LRRC20: variants seen among roughly 807,000 people sequenced by gnomAD.
The protein encoded by LRRC20 is leucine-rich repeat-containing protein 20.
In LRRC20, 11 loss-of-function variants were observed where a neutral mutation model predicts 14.4. The ratio of observed to expected loss-of-function variants is 0.77; its 90% CI spans 0.48 to 1.27. The LOEUF (loss-of-function observed/expected upper bound fraction) is 1.27. Ranked by LOEUF, LRRC20 falls within the 50% of genes most tolerant of loss-of-function variation. The pLI is 0.00. For missense variants in LRRC20, 219 were observed against 251.2 expected (o/e 0.87, Z 0.87); for synonymous variants, 121 against 107.3 (o/e 1.13, Z -0.79).
intron 3 of LRRC20, among the ~76,000 whole-genome samples, chr10:70,326,240 C>T (rs182586027): frequency 1.1e-4 from 17 of 151,842 alleles, no homozygotes; most frequent in African/African-American, 3.9e-4. Flanking sequence ...CCCACAGCCC[C>T]TCCCAGGTAT....
At position 70,351,436 on chromosome 10, in the gene LRRC20, T is replaced by C. The variant is rs544108436; in HGVS notation, c.83-10734A>G. 1.4e-3 allele frequency among the ~76,000 whole-genome samples: 217 copies of C among 152,288 alleles called. 1 individual carries two copies. The highest frequency in any genetic ancestry group is 5.1e-3 in the African/African-American group (210 of 41,556). On this transcript the variant is annotated intron_variant, in intron 2 of 4. Transcript: ENST00000446961. The stretch of plus-strand genomic sequence containing the variant: ...GAACACTGGTGATGGGAGGGCTCCC[T>C]CCTCCTTCCATAGAATGAGTTTAAT...
intron 4 of LRRC20, among the ~76,000 whole-genome samples, chr10:70,306,949 C>T (rs922342665): frequency 6.6e-6 from 1 of 152,204 alleles, no homozygotes; most frequent in African/African-American, 2.4e-5. Context: ...TATTCTGATG[C>T]TCAAATTGTC....
intron 4 of LRRC20, among the ~76,000 whole-genome samples, chr10:70,302,953 G>A (rs370049958): frequency 4.6e-5 from 7 of 151,440 alleles, no homozygotes; most frequent in East Asian, 1.9e-4. Context: ...CTCGTGATCC[G>A]CCCGTCTCGG....
rs114412954 is a variant in LRRC20 at position 70,372,197 on chromosome 10, G to C, written c.82+4255C>G. On this transcript the variant is annotated intron_variant, in intron 2 of 4. Coordinates refer to ENST00000446961, the MANE Select transcript of LRRC20 (RefSeq NM_001278212.2). The stretch of plus-strand genomic sequence containing the variant: ...TCAAGATGTGTGTTTTATTTCCACA[G>C]TGGCAGGTGGTCCTTTCCCTAAAAT... Among the ~76,000 whole-genome samples, 402 of 152,300 alleles carry C rather than the reference G, an allele frequency of 2.6e-3. 2 individuals are homozygous for C. The highest frequency in any genetic ancestry group is 9.3e-3 in the African/African-American group (385 of 41,546).
intron 1 of LRRC20, among the ~76,000 whole-genome samples, chr10:70,377,506 A>G (rs190514567): frequency 2.6e-5 from 4 of 152,322 alleles, no homozygotes; most frequent in Admixed American, 2.0e-4. Flanking sequence ...CTCCATAGCC[A>G]GTGCTCACTT....
At chr10:70,301,649 T>C in intron 4 of LRRC20, 141 bp from the exon 5 acceptor site, 1 of 972,962 alleles carries the variant, frequency 1.0e-6, no homozygotes, top group Non-Finnish European at 1.5e-6. Flanking sequence ...CAGCTCCTGG[T>C]GCCCAGCCCT....
In LRRC20 at chr10:70,299,026, G is replaced by C. The variant is rs1841060803; in HGVS notation, c.*2328C>G. ...ACTGAAGCTTAGGGGCTCACTCACT[G>C]TGAGCTCTGATTTGGGGGCATCTGT... On this transcript the variant is annotated 3_prime_UTR_variant, in exon 5 of 5. Transcript: ENST00000446961. 1 of 152,624 alleles carries C rather than the reference G, an allele frequency of 6.6e-6. No homozygotes were observed. Among genetic ancestry groups the C allele is most frequent in the Non-Finnish European group, 1.5e-5 (1 of 68,084 alleles). The allele number at this position is 152,624 out of a possible 1,614,324, so 9.5% of individuals were successfully genotyped here.
At position 70,299,585 on chromosome 10, in the gene LRRC20, G is replaced by A. The variant is rs1157031292; in HGVS notation, c.*1769C>T. The A allele has an allele frequency of 6.6e-6, 1 of 152,282 alleles. No homozygotes were observed. Among genetic ancestry groups the A allele is most frequent in the Non-Finnish European group, 1.5e-5 (1 of 68,136 alleles). The allele number at this position is 152,282 out of a possible 1,614,324, so 9.4% of individuals were successfully genotyped here. On this transcript the variant is annotated 3_prime_UTR_variant, in exon 5 of 5. Transcript: ENST00000446961. ...CACAGACCACACTTTGAGTTGCAAG[G>A]CTCTGGTCATACATTGTGTTTGTGC...
intron 2 of LRRC20, among the ~76,000 whole-genome samples, chr10:70,371,059 A>C (rs893360921): frequency 1.3e-5 from 2 of 151,840 alleles, no homozygotes; most frequent in Non-Finnish European, 2.9e-5. Context: ...CATAAGAAAG[A>C]AATAAGATTA....
intron 2 of LRRC20, among the ~76,000 whole-genome samples, chr10:70,342,443 T>C (rs1423880867): frequency 6.6e-6 from 1 of 152,110 alleles, no homozygotes; most frequent in African/African-American, 2.4e-5. Flanking sequence ...AGCTGATATA[T>C]ATACATATAT....
At chr10:70,343,412 G>T (rs1302033891) in intron 2 of LRRC20, among the ~76,000 whole-genome samples, 3 of 152,192 alleles carry the variant, frequency 2.0e-5, no homozygotes, top group Non-Finnish European at 4.4e-5. Context: ...GGGCTCCTCT[G>T]CCAGGCAGCC....
At chr10:70,301,797 G>A (rs1297228843) in intron 4 of LRRC20, among the ~76,000 whole-genome samples, 1 of 152,188 alleles carries the variant, frequency 6.6e-6, no homozygotes, top group African/African-American at 2.4e-5. Flanking sequence ...AGGTAGAACT[G>A]AAAGAATTAA....
chr10:70,337,960 C>T (rs1445882561), intron 3 of LRRC20, among the ~76,000 whole-genome samples: 2 of 152,152 alleles, frequency 1.3e-5, no homozygotes, highest in Non-Finnish European at 2.9e-5. Flanking sequence ...GACAGCCCCA[C>T]CCTCCATTTT....
At chr10:70,326,408 T>TGATTCATCTTTGTCCCTACATCC (rs1842325424) in intron 3 of LRRC20, among the ~76,000 whole-genome samples, 1 of 152,092 alleles carries the variant, frequency 6.6e-6, no homozygotes, top group Non-Finnish European at 1.5e-5. Context: ...GAACTACATC[T>TGATTCATCTTTGTCCCTACATCC]GATTCATCTT....
Position 70,301,453 on chromosome 10 carries a change from G to A in LRRC20, c.456C>T (p.Arg152=). The A allele has an allele frequency of 1.2e-6, 2 of 1,614,100 alleles. No homozygotes were observed. The highest frequency in any genetic ancestry group is 1.1e-5 in the South Asian group (1 of 91,090). ...GCACCTCGGCGTTGAGTGGGTTGAA[G>A]CGGAGGTTGATGCTGCGCAAGGCTG... ...AMPALRSINL[R]FNPLNAEVRV... Residue 152 remains arginine, a synonymous_variant, in exon 5 of 5, where the codon CGC becomes CGT. Transcript: ENST00000446961.
At chr10:70,314,893 T>A (rs1841800342) in intron 4 of LRRC20, among the ~76,000 whole-genome samples, 2 of 152,120 alleles carry the variant, frequency 1.3e-5, no homozygotes, top group Non-Finnish European at 2.9e-5. Context: ...ATTATGCACT[T>A]CAGCCATAAT....
intron 1 of LRRC20, among the ~76,000 whole-genome samples, chr10:70,380,298 C>G (rs199674157): frequency 1.3e-5 from 2 of 152,196 alleles, no homozygotes; most frequent in Admixed American, 6.5e-5. Flanking sequence ...GCTCTGAGTA[C>G]AGCAAAAATG....
intron 4 of LRRC20, among the ~76,000 whole-genome samples, chr10:70,311,024 T>C (rs1017491149): frequency 6.6e-6 from 1 of 152,216 alleles, no homozygotes; most frequent in Admixed American, 6.5e-5. Context: ...TGTGTGTATA[T>C]ACACTCACAT....
intron 3 of LRRC20, among the ~76,000 whole-genome samples, chr10:70,331,045 C>T (rs1842518382): frequency 6.6e-6 from 1 of 152,142 alleles, no homozygotes. Context: ...CTCAGGGTCC[C>T]CATCCGTGAA....
Sources: gnomAD v4.1 joint callset for allele counts (sites outside exome capture counted in the v4.1 genomes callset) on GRCh38, gnomAD v4.1.1 for gene constraint, MANE v1.5 for transcripts, NCBI Gene and HGNC (gene_info 2026-07-23, HGNC 2026-07-21) for gene names.